Variants in LHCGR observed in about 807,000 individuals in gnomAD.
The protein encoded by LHCGR is luteinizing hormone/choriogonadotropin receptor.
A neutral mutation model predicts 60.7 loss-of-function variants in LHCGR; 55 were observed. That is an observed-to-expected ratio of 0.91 (90% CI 0.73 to 1.13). The LOEUF is 1.13. LHCGR is among the 50% of genes most tolerant of loss of function. The probability of loss-of-function intolerance (pLI) is 0.00; values close to 1 mark genes in which losing one functional copy is unlikely to be tolerated. For missense variants in LHCGR, 862 were observed against 836.0 expected (o/e 1.03, Z -0.38); for synonymous variants, 337 against 316.5 (o/e 1.06, Z -0.69).
At chr2:48,714,131 AACATATATTACTAAGGT>A in intron 6 of LHCGR, 77 bp from the exon 7 acceptor site, 1 of 961,164 alleles carries the variant, frequency 1.0e-6, no homozygotes, top group Non-Finnish European at 1.7e-6. Context: ...TTCCTCCTGT[AACATATATTACTAAGGT>A]TATTACAGGC....
In LHCGR at chr2:48,686,897, C is replaced by T. The variant is rs923504282; in HGVS notation, c.*800G>A. The T allele has an allele frequency of 5.3e-5, 8 of 151,960 alleles. No homozygotes were observed. Among genetic ancestry groups the T allele is most frequent in the African/African-American group, 1.9e-4 (8 of 41,364 alleles). The allele number at this position is 151,960 out of a possible 1,614,324, so 9.4% of individuals were successfully genotyped here. On this transcript the variant is annotated 3_prime_UTR_variant, in exon 11 of 11. Coordinates refer to ENST00000294954, the MANE Select transcript of LHCGR (RefSeq NM_000233.4). ...CTAACTCAGCACATTTGTAGTGTACCATTGCCAAGATCTTGAGGTAGGAAG... is the reference window on the plus strand; with the variant it reads ...CTAACTCAGCACATTTGTAGTGTACTATTGCCAAGATCTTGAGGTAGGAAG...
intron 7 of LHCGR, among the ~76,000 whole-genome samples, chr2:48,711,136 A>G (rs1283428848): frequency 1.3e-5 from 2 of 152,190 alleles, no homozygotes; most frequent in African/African-American, 4.8e-5. Flanking sequence ...CACTGTTGAC[A>G]CAGTGGAATC....
chr2:48,697,071 A>G lies in LHCGR; in HGVS notation c.866+1544T>C, dbSNP rs1043815866. Among the ~76,000 whole-genome samples the G allele has an allele frequency of 1.6e-4, 24 of 152,342 alleles. 1 individual carries two copies. The highest frequency in any genetic ancestry group is 5.1e-4 in the African/African-American group (21 of 41,584). ...AACAACCGGGCCTGGCACTCAGACC[A>G]TCATGGCCCACATCTCCTTGGCTTC... On this transcript the variant is annotated intron_variant, in intron 9 of 10. Transcript: ENST00000294954.
intron 1 of LHCGR, among the ~76,000 whole-genome samples, 156 bp from the exon 2 acceptor site, chr2:48,731,454 G>T (rs1318990475): frequency 6.6e-6 from 1 of 152,152 alleles, no homozygotes; most frequent in Non-Finnish European, 1.5e-5. Context: ...TTAAATCAAT[G>T]AAGAGATGTG....
intron 2 of LHCGR, 29 bp downstream of exon 2, chr2:48,731,198 T>C: frequency 7.0e-7 from 1 of 1,430,382 alleles, no homozygotes; most frequent in South Asian, 1.2e-5. Flanking sequence ...CAATTACGAA[T>C]GTCTTTTGAT....
chr2:48,745,864 A>T (rs563806826), intron 1 of LHCGR, among the ~76,000 whole-genome samples: 10 of 151,144 alleles, frequency 6.6e-5, no homozygotes, highest in South Asian at 2.1e-4. Context: ...AATAAATAAA[A>T]AATTAAAAAT....
At chr2:48,717,854 T>C (rs1400449781) in intron 6 of LHCGR, among the ~76,000 whole-genome samples, 1 of 148,920 alleles carries the variant, frequency 6.7e-6, no homozygotes, top group Non-Finnish European at 1.5e-5. Context: ...TTTTTTTTTT[T>C]TTCTGAATAG....
intron 1 of LHCGR, among the ~76,000 whole-genome samples, chr2:48,750,393 A>G (rs905098567): frequency 1.3e-5 from 2 of 152,178 alleles, no homozygotes; most frequent in East Asian, 3.8e-4. Context: ...AACAATCTAG[A>G]TGGAATATAC....
intron 4 of LHCGR, among the ~76,000 whole-genome samples, chr2:48,724,386 C>A (rs1402132679): frequency 6.6e-6 from 1 of 152,194 alleles, no homozygotes; most frequent in Non-Finnish European, 1.5e-5. Context: ...TGGATTTCCC[C>A]ACTGGAGTTT....
At chr2:48,752,913 C>G (rs577562742) in intron 1 of LHCGR, among the ~76,000 whole-genome samples, 4 of 130,820 alleles carry the variant, frequency 3.1e-5, no homozygotes, top group African/African-American at 1.2e-4. Context: ...TATTTTCCGT[C>G]TGCCTCTGGG....
At chr2:48,725,635 A>G (rs369742797) in intron 4 of LHCGR, 41 bp downstream of exon 4, 7 of 1,387,988 alleles carry the variant, frequency 5.0e-6, no homozygotes, top group Admixed American at 1.7e-5. Context: ...TCAGATGCCC[A>G]TCTTCCCCTC....
At chr2:48,738,916 C>T (rs7568780) in intron 1 of LHCGR, among the ~76,000 whole-genome samples, 53,550 of 152,078 alleles carry the variant, frequency 0.35, 10,911 homozygotes, top group East Asian at 0.58. Flanking sequence ...GAAAATTACT[C>T]GTGTGACTCA....
chr2:48,712,769 A>T (rs1025877877), intron 7 of LHCGR, among the ~76,000 whole-genome samples: 19 of 151,920 alleles, frequency 1.3e-4, no homozygotes, highest in Non-Finnish European at 2.5e-4. Context: ...CATTTTCAAA[A>T]CAAGCCTATT....
chr2:48,745,057 A>G (rs1263316671), intron 1 of LHCGR, among the ~76,000 whole-genome samples: 2 of 152,226 alleles, frequency 1.3e-5, no homozygotes, highest in African/African-American at 4.8e-5. Context: ...ACACTTCTCA[A>G]AAGAAGACAT....
rs115267374 is a variant in LHCGR at position 48,688,684 on chromosome 2, A to G, written c.1113T>C (p.Ile371=). ...FLRVLIWLIN[I]LAIMGNMTVL... ...CAGTCATGTTTCCCATGATGGCTAG[A>G]ATATTAATCAGCCAAATCAGGACCC... Residue 371 remains isoleucine (I), a synonymous_variant, in exon 11 of 11, where the codon ATT becomes ATC. Transcript: ENST00000294954. The surrounding 1 kb of genome is among the most constrained non-coding windows in gnomAD (Gnocchi z 5.2). 1.7e-4 allele frequency: 270 copies of G among 1,614,166 alleles called. No individual in the cohort carries two copies. The African/African-American group carries it at 3.2e-3, about 19-fold the overall frequency.
At chr2:48,705,526 A>T (rs1412483851) in intron 8 of LHCGR, among the ~76,000 whole-genome samples, 1 of 152,172 alleles carries the variant, frequency 6.6e-6, no homozygotes, top group Non-Finnish European at 1.5e-5. Context: ...TGGGAGTCTA[A>T]GTCTCTTCGT....
rs778930458 is a variant in LHCGR, at chr2:48,729,151, A to G, written c.308+2T>C. The G allele has an allele frequency of 6.2e-7, 1 of 1,606,534 alleles. No homozygotes were observed. The highest frequency in any genetic ancestry group is 1.7e-5 in the Admixed American group (1 of 59,998). ...GTAAACTGTCTGTTAGCTGATGCTT[A>G]CATTTCAGACAAATTGAGGAGGTTG... is the stretch of plus-strand genomic sequence containing the variant. On this transcript the variant is annotated splice_donor_variant, in intron 3 of 10. Coordinates refer to ENST00000294954, the MANE Select transcript of LHCGR (RefSeq NM_000233.4). LOFTEE classifies it high-confidence loss of function.
intron 3 of LHCGR, among the ~76,000 whole-genome samples, chr2:48,726,600 G>T (rs994008429): frequency 1.3e-5 from 2 of 152,146 alleles, no homozygotes; most frequent in Non-Finnish European, 2.9e-5. Context: ...AATGCCTTTG[G>T]GTTTCTTAAT....
At chr2:48,747,926 G>A (rs1038833702) in intron 1 of LHCGR, among the ~76,000 whole-genome samples, 1 of 152,140 alleles carries the variant, frequency 6.6e-6, no homozygotes, top group Non-Finnish European at 1.5e-5. Context: ...TGAGAGGACC[G>A]AAGGCTTTGA....
Sources: allele counts gnomAD v4.1 joint callset (sites outside exome capture counted in the v4.1 genomes callset), GRCh38; gene constraint gnomAD v4.1.1; non-coding constraint Gnocchi (gnomAD v3.1); transcripts MANE v1.5; gene names NCBI Gene and HGNC (gene_info 2026-07-23, HGNC 2026-07-21).